Variants in CAMK1G observed in about 807,000 individuals in gnomAD.
CAMK1G encodes the protein calcium/calmodulin dependent protein kinase IG.
Under a neutral mutation model 54.8 loss-of-function variants are expected in CAMK1G, and 27 were observed. The ratio of observed to expected loss-of-function variants is 0.49; its 90% CI spans 0.36 to 0.68. The LOEUF is 0.68. Among genes scored for constraint, CAMK1G ranks in the 30% least tolerant of loss-of-function variants. The pLI is 0.00. For synonymous variants in CAMK1G, 238 were observed against 224.9 expected, an observed-to-expected ratio of 1.06 and a Z score of -0.52; for missense variants, 512 against 591.0, an observed-to-expected ratio of 0.87 and a Z score of 1.39.
At chr1:209,587,699 G>A (rs989136582) in intron 1 of CAMK1G, among the ~76,000 whole-genome samples, 12 of 152,030 alleles carry the variant, frequency 7.9e-5, no homozygotes, top group Admixed American at 5.9e-4. Context: ...GCACAGCTAC[G>A]GGATATCAAA....
rs1665740876 is a variant in CAMK1G at position 209,609,913 on chromosome 1, G to C, written c.811G>C (p.Ala271Pro). 6.2e-7 allele frequency: 1 copy of C among 1,614,100 alleles called. No individual in the cohort carries two copies. The highest frequency in any genetic ancestry group is 8.5e-7 in the Non-Finnish European group (1 of 1,179,968). Residue 271 changes from alanine (A) to proline (P), a missense_variant, in exon 9 of 13, where the codon GCC (alanine) becomes CCC (proline). Physicochemically the swap from Ala to Pro is conservative, Grantham distance 27. Coordinates refer to ENST00000361322, the MANE Select transcript of CAMK1G (RefSeq NM_020439.3). Reference sequence around the variant, plus strand: ...GAACGAGCGGTACACCTGTGAGAAGGCCTTGAGTCATCCCTGGTGAGTGAG... The same window carrying C: ...GAACGAGCGGTACACCTGTGAGAAGCCCTTGAGTCATCCCTGGTGAGTGAG... Reference protein sequence around the residue: ...DPNERYTCEKALSHPWIDGNT... With the variant: ...DPNERYTCEKPLSHPWIDGNT...
chr1:209,591,981 G>A (rs1665265324), intron 1 of CAMK1G, among the ~76,000 whole-genome samples: 1 of 152,158 alleles, frequency 6.6e-6, no homozygotes, highest in African/African-American at 2.4e-5. Context: ...TTAATGACAG[G>A]TCTTGGGGCA....
At chr1:209,611,362 A>T (rs932814930) in intron 9 of CAMK1G, 103 bp from the exon 10 acceptor site, 1 of 981,226 alleles carries the variant, frequency 1.0e-6, no homozygotes, top group African/African-American at 1.6e-5. Flanking sequence ...TTTCCTCTGC[A>T]CACTCTACCC....
At chr1:209,599,955 G>A (rs1665486096) in intron 2 of CAMK1G, 28 bp from the exon 3 acceptor site, 2 of 1,610,978 alleles carry the variant, frequency 1.2e-6, no homozygotes, top group Non-Finnish European at 1.7e-6. Flanking sequence ...CCCCTACTAA[G>A]TTTTATCTTT....
rs112293389 is a variant in CAMK1G at position 209,608,873 on chromosome 1, C to A, written c.636-107C>A. On this transcript the variant is annotated intron_variant, in intron 7 of 12. Coordinates refer to ENST00000361322, the MANE Select transcript of CAMK1G (RefSeq NM_020439.3). The stretch of plus-strand genomic sequence containing the variant: ...TCCTGGTCACACCACTGTTCTGGGA[C>A]CTTCAGTGCCCACCTGTGTATACAG... 392 of 1,478,338 alleles carry A rather than the reference C, an allele frequency of 2.7e-4. 3 individuals are homozygous for A. The African/African-American group carries it at 4.8e-3, about 18-fold the overall frequency. The allele number at this position is 1,478,338 out of a possible 1,614,324, so 91.6% of individuals were successfully genotyped here. A position where few individuals can be genotyped will look rare whatever the true frequency, so the allele number is the denominator to read the frequency against.
At chr1:209,606,108 CG>C (rs1383177432) in intron 5 of CAMK1G, among the ~76,000 whole-genome samples, 1 of 151,990 alleles carries the variant, frequency 6.6e-6, no homozygotes, top group African/African-American at 2.4e-5. Flanking sequence ...TTTACAAGAC[CG>C]AGCAAAGTCA....
chr1:209,607,753 C>T, intron 6 of CAMK1G, 105 bp from the exon 7 acceptor site: 2 of 855,346 alleles, frequency 2.3e-6, no homozygotes, highest in Non-Finnish European at 3.8e-6. Flanking sequence ...ACCCCACCAT[C>T]CCACAGTCTT....
chr1:209,589,448 C>T (rs750618950), intron 1 of CAMK1G, among the ~76,000 whole-genome samples: 4 of 152,200 alleles, frequency 2.6e-5, no homozygotes, highest in African/African-American at 7.2e-5. Flanking sequence ...GGCCCTGCTG[C>T]GGTCCCTTCC....
intron 3 of CAMK1G, 78 bp downstream of exon 3, chr1:209,600,189 G>A (rs1028691066): frequency 3.3e-6 from 5 of 1,534,162 alleles, no homozygotes; most frequent in Non-Finnish European, 1.8e-6. Flanking sequence ...AAAAGGACTA[G>A]GACTGGATTT....
At chr1:209,590,257 A>T (rs1435949776) in intron 1 of CAMK1G, among the ~76,000 whole-genome samples, 1 of 152,222 alleles carries the variant, frequency 6.6e-6, no homozygotes, top group Non-Finnish European at 1.5e-5. Context: ...AGCAGGATGC[A>T]GCCATGGAAG....
intron 11 of CAMK1G, 103 bp from the exon 12 acceptor site, chr1:209,612,682 C>T: frequency 1.1e-6 from 1 of 895,130 alleles, no homozygotes; most frequent in Admixed American, 1.8e-5. Context: ...GAGGGGAGAG[C>T]TGAGTGGATG....
rs1051506016 is a variant in CAMK1G at position 209,613,052 on chromosome 1, A to G, written c.*50A>G. 4 of 564,372 alleles carry G rather than the reference A, an allele frequency of 7.1e-6. No individual in the cohort carries two copies. In the African/African-American group the frequency reaches 7.5e-5, roughly 11 times the overall value. 35.0% of individuals were successfully genotyped at this position (564,372 alleles called of 1,614,324 possible). A position where few individuals can be genotyped will look rare whatever the true frequency, so the allele number is the denominator to read the frequency against. ...CTTTCTCTTGCAGGAGACATATTCA[A>G]CTCCTCTGCTCTTCCAAACCTGGTG... On this transcript the variant is annotated 3_prime_UTR_variant, in exon 13 of 13. Transcript: ENST00000361322.
At position 209,612,906 on chromosome 1, in the gene CAMK1G, T is replaced by A; in HGVS notation, c.*31T>A. 6.8e-7 allele frequency: 1 copy of A among 1,471,128 alleles called. No homozygotes were observed. The allele number at this position is 1,471,128 out of a possible 1,614,324, so 91.1% of individuals were successfully genotyped here. On this transcript the variant is annotated 3_prime_UTR_variant, in exon 12 of 13. Coordinates refer to ENST00000361322, the MANE Select transcript of CAMK1G (RefSeq NM_020439.3). Reference sequence around the variant, plus strand: ...GGAGCCTGTGCCTATGTCACTGCAATTTTCAGGTTAGGAGGGTCACAGTGT... The same window carrying A: ...GGAGCCTGTGCCTATGTCACTGCAAATTTCAGGTTAGGAGGGTCACAGTGT...
chr1:209,588,397 G>C (rs1457658187), intron 1 of CAMK1G, among the ~76,000 whole-genome samples: 1 of 150,738 alleles, frequency 6.6e-6, no homozygotes, highest in Non-Finnish European at 1.5e-5. Context: ...GATTGGATTG[G>C]ATTGGATTGG....
chr1:209,612,308 C>A (rs760160750), intron 11 of CAMK1G, 92 bp downstream of exon 11: 1 of 1,351,020 alleles, frequency 7.4e-7, no homozygotes, highest in South Asian at 1.4e-5. Context: ...AGGCCTCTCC[C>A]ACTCATAGGC....
chr1:209,586,200 C>T (rs1426171439), intron 1 of CAMK1G, among the ~76,000 whole-genome samples: 1 of 152,162 alleles, frequency 6.6e-6, no homozygotes, highest in African/African-American at 2.4e-5. Flanking sequence ...GAGCGTCCAA[C>T]CTGTACAAAA....
chr1:209,612,481 C>A lies in CAMK1G; in HGVS notation c.1340+265C>A, dbSNP rs75246821. ...GAAGTCTATTTACCCAATTAGCCTG[C>A]CTCACAGAGGTACTATAAAAGGTTA... On this transcript the variant is annotated intron_variant, in intron 11 of 12. Coordinates refer to ENST00000361322, the MANE Select transcript of CAMK1G (RefSeq NM_020439.3). 2.5e-3 allele frequency among the ~76,000 whole-genome samples: 388 copies of A among 152,250 alleles called. 2 individuals are homozygous for A. Among genetic ancestry groups the A allele is most frequent in the African/African-American group, 9.0e-3 (376 of 41,548 alleles).
At chr1:209,609,745 A>G (rs1665737058) in intron 8 of CAMK1G, 106 bp from the exon 9 acceptor site, 2 of 1,095,956 alleles carry the variant, frequency 1.8e-6, no homozygotes, top group East Asian at 2.4e-5. Flanking sequence ...CCTCTTTGGA[A>G]GATCAGCTAA....
intron 1 of CAMK1G, among the ~76,000 whole-genome samples, chr1:209,587,195 C>T (rs1665124185): frequency 6.6e-6 from 1 of 151,908 alleles, no homozygotes; most frequent in Non-Finnish European, 1.5e-5. Flanking sequence ...TGGGTTGCAA[C>T]CCGTGAACTG....
Sources: gnomAD v4.1 joint callset for allele counts (sites outside exome capture counted in the v4.1 genomes callset) on GRCh38, gnomAD v4.1.1 for gene constraint, MANE v1.5 for transcripts, NCBI Gene and HGNC (gene_info 2026-07-23, HGNC 2026-07-21) for gene names.